ADARB2: variants seen among roughly 807,000 people sequenced by gnomAD.
The protein encoded by ADARB2 is adenosine deaminase RNA specific B2 (inactive), also known as inactive double-stranded RNA-specific editase B2.
ADARB2 carries 25 observed loss-of-function variants against 62.2 expected under a neutral mutation model. That is an observed-to-expected ratio of 0.40 (90% CI 0.29 to 0.56). The LOEUF (loss-of-function observed/expected upper bound fraction) is 0.56. Ranked by LOEUF, ADARB2 falls within the 20% of genes least tolerant of loss-of-function variation. The pLI, the probability that ADARB2 is intolerant of heterozygous loss-of-function variation, is 0.43. For missense variants in ADARB2, 1,071 were observed against 1,077.4 expected (o/e 0.99, Z 0.08); for synonymous variants, 572 against 500.8 (o/e 1.14, Z -1.90).
chr10:1,368,011 CTG>C, intron 2 of ADARB2, among the ~76,000 whole-genome samples: 1 of 152,190 alleles, frequency 6.6e-6, no homozygotes. Flanking sequence ...GCTGGGCCCT[CTG>C]GGGGGTGATA....
At chr10:1,648,588 A>G (rs1462426380) in intron 1 of ADARB2, among the ~76,000 whole-genome samples, 1 of 152,202 alleles carries the variant, frequency 6.6e-6, no homozygotes. Context: ...GCATTGGTCC[A>G]TACGTATAAG....
intron 2 of ADARB2, among the ~76,000 whole-genome samples, chr10:1,366,170 GT>G (rs1832312032): frequency 6.6e-6 from 1 of 152,208 alleles, no homozygotes; most frequent in South Asian, 2.1e-4. Context: ...GGGCTGGGGG[GT>G]GACTTCACGT....
intron 1 of ADARB2, among the ~76,000 whole-genome samples, chr10:1,600,932 G>A (rs1316123153): frequency 6.6e-6 from 1 of 152,186 alleles, no homozygotes. Flanking sequence ...GCTCCTCAAG[G>A]CAGATTAGCT....
chr10:1,588,435 G>T (rs1175909285), intron 1 of ADARB2, among the ~76,000 whole-genome samples: 1 of 152,124 alleles, frequency 6.6e-6, no homozygotes, highest in Admixed American at 6.5e-5. Flanking sequence ...CCAAATGATG[G>T]GAATTTAATG....
At chr10:1,307,112 C>T (rs1414072333) in intron 3 of ADARB2, among the ~76,000 whole-genome samples, 1 of 114,052 alleles carries the variant, frequency 8.8e-6, no homozygotes, top group African/African-American at 2.8e-5. Context: ...AGCTTCTGCA[C>T]AGCAAAAGAA....
At chr10:1,223,590 A>G (rs1379787990) in intron 6 of ADARB2, among the ~76,000 whole-genome samples, 2 of 152,148 alleles carry the variant, frequency 1.3e-5, no homozygotes, top group East Asian at 1.9e-4. Context: ...ATTTTCAGAT[A>G]CGTCCCATCA....
intron 1 of ADARB2, among the ~76,000 whole-genome samples, chr10:1,464,094 G>GC (rs1831212749): frequency 6.8e-6 from 1 of 147,942 alleles, no homozygotes; most frequent in African/African-American, 2.6e-5. Flanking sequence ...TGCGCTGGGG[G>GC]CAGTCACAGC....
At chr10:1,265,252 A>C (rs896953043) in intron 4 of ADARB2, among the ~76,000 whole-genome samples, 1 of 152,262 alleles carries the variant, frequency 6.6e-6, no homozygotes, top group Admixed American at 6.5e-5. Context: ...CAAACTGATT[A>C]GTGTATGTAA....
intron 1 of ADARB2, among the ~76,000 whole-genome samples, chr10:1,497,525 C>T (rs189130060): frequency 6.6e-6 from 1 of 152,284 alleles, no homozygotes; most frequent in East Asian, 1.9e-4. Context: ...ATCAGTTCCT[C>T]TCAGTTGTAT....
At chr10:1,553,178 G>T (rs4528239) in intron 1 of ADARB2, among the ~76,000 whole-genome samples, 1 of 152,018 alleles carries the variant, frequency 6.6e-6, no homozygotes, top group Admixed American at 6.6e-5. Context: ...TGTTTTAATC[G>T]TTAATTACCA....
chr10:1,274,817 TG>T (rs1340293457), intron 3 of ADARB2, among the ~76,000 whole-genome samples: 1 of 152,188 alleles, frequency 6.6e-6, no homozygotes, highest in Non-Finnish European at 1.5e-5. Flanking sequence ...CCAGCTGCCT[TG>T]ACCTTGACCC....
At chr10:1,527,260 C>T (rs1164073828) in intron 1 of ADARB2, among the ~76,000 whole-genome samples, 4 of 152,234 alleles carry the variant, frequency 2.6e-5, no homozygotes, top group Non-Finnish European at 4.4e-5. Context: ...TCCTCATTTA[C>T]GATATGACTC....
At chr10:1,493,840 C>A (rs1392323409) in intron 1 of ADARB2, among the ~76,000 whole-genome samples, 1 of 141,384 alleles carries the variant, frequency 7.1e-6, no homozygotes, top group Non-Finnish European at 1.5e-5. Context: ...CTCACTGCAA[C>A]CTCCGCCTCC....
At chr10:1,696,075 G>T (rs1454695245) in intron 1 of ADARB2, among the ~76,000 whole-genome samples, 1 of 151,734 alleles carries the variant, frequency 6.6e-6, no homozygotes, top group East Asian at 2.0e-4. Flanking sequence ...GTGTATATGT[G>T]CATCCATGCA....
intron 3 of ADARB2, among the ~76,000 whole-genome samples, chr10:1,360,024 T>C (rs576924266): frequency 6.6e-6 from 1 of 152,384 alleles, no homozygotes; most frequent in South Asian, 2.1e-4. Flanking sequence ...CGGAGAGCAC[T>C]GAGCAGACGT....
chr10:1,671,766 C>T (rs896138695), intron 1 of ADARB2, among the ~76,000 whole-genome samples: 1 of 152,106 alleles, frequency 6.6e-6, no homozygotes, highest in African/African-American at 2.4e-5. Context: ...CCATACGCTG[C>T]GTCAAATTGA....
intron 1 of ADARB2, among the ~76,000 whole-genome samples, chr10:1,585,052 C>T (rs1833155657): frequency 6.6e-6 from 1 of 152,094 alleles, no homozygotes; most frequent in Admixed American, 6.5e-5. Flanking sequence ...GTACATTTGT[C>T]TACACCCACA....
chr10:1,674,230 C>T (rs1357273936), intron 1 of ADARB2, among the ~76,000 whole-genome samples: 1 of 152,190 alleles, frequency 6.6e-6, no homozygotes, highest in Non-Finnish European at 1.5e-5. Flanking sequence ...TTTTTAAAGC[C>T]TCCAACCCCC....
chr10:1,204,040 C>T (rs553128977), intron 7 of ADARB2, among the ~76,000 whole-genome samples: 3 of 152,274 alleles, frequency 2.0e-5, no homozygotes, highest in African/African-American at 7.2e-5. Context: ...CTGTATCTAC[C>T]TTTCACGGCA....
Sources: gnomAD v4.1 joint callset for allele counts (sites outside exome capture counted in the v4.1 genomes callset) on GRCh38, gnomAD v4.1.1 for gene constraint, MANE v1.5 for transcripts, NCBI Gene and HGNC (gene_info 2026-07-23, HGNC 2026-07-21) for gene names.